The following TBC1D22B variants were observed in gnomAD, a reference collection of about 807,000 sequenced individuals.
TBC1D22B encodes the protein chromosome 6 open reading frame 197.
Under a neutral mutation model 69.1 loss-of-function variants are expected in TBC1D22B, and 32 were observed. The ratio of observed to expected loss-of-function variants is 0.46; its 90% CI spans 0.35 to 0.62. The LOEUF is 0.62. TBC1D22B is among the 20% of genes least tolerant of loss of function. TBC1D22B has a pLI of 0.00. For synonymous variants in TBC1D22B, 206 were observed against 229.8 expected (o/e 0.90, Z 0.94); for missense variants, 462 against 630.9 (o/e 0.73, Z 2.87).
chr6:37,290,469 A>C (rs1393599792), intron 7 of TBC1D22B, among the ~76,000 whole-genome samples: 1 of 152,162 alleles, frequency 6.6e-6, no homozygotes, highest in Non-Finnish European at 1.5e-5. Flanking sequence ...AGTATAGTTG[A>C]GTGGGACAGG....
intron 3 of TBC1D22B, among the ~76,000 whole-genome samples, 178 bp downstream of exon 3, chr6:37,279,789 C>T (rs1766770837): frequency 6.6e-6 from 1 of 152,174 alleles, no homozygotes; most frequent in Non-Finnish European, 1.5e-5. Flanking sequence ...TTGCCCCTCC[C>T]ACAGTGGTGG....
At chr6:37,304,617 T>G (rs1037946181) in intron 8 of TBC1D22B, among the ~76,000 whole-genome samples, 2 of 152,184 alleles carry the variant, frequency 1.3e-5, no homozygotes, top group African/African-American at 4.8e-5. Flanking sequence ...AAAGTTTACC[T>G]ATGGTGGGAG....
At chr6:37,310,615 C>T (rs1767878212) in intron 8 of TBC1D22B, among the ~76,000 whole-genome samples, 1 of 152,144 alleles carries the variant, frequency 6.6e-6, no homozygotes, top group South Asian at 2.1e-4. Context: ...CTGCAGTGAG[C>T]TGAGATCGTG....
intron 10 of TBC1D22B, 86 bp downstream of exon 10, chr6:37,313,977 C>A: frequency 8.0e-7 from 1 of 1,252,780 alleles, no homozygotes; most frequent in Non-Finnish European, 1.2e-6. Context: ...CTCTCCTCAG[C>A]TGTCTTCCTA....
At chr6:37,294,619 C>T (rs1356040584) in intron 8 of TBC1D22B, among the ~76,000 whole-genome samples, 2 of 152,132 alleles carry the variant, frequency 1.3e-5, no homozygotes, top group Admixed American at 6.6e-5. Flanking sequence ...ACCCTAGGGA[C>T]CTTAAGAATT....
intron 8 of TBC1D22B, chr6:37,295,515 C>T: frequency 3.1e-6 from 1 of 322,698 alleles, no homozygotes; most frequent in Non-Finnish European, 6.4e-6. Flanking sequence ...CTAAGATTTC[C>T]AATAATTACT....
intron 5 of TBC1D22B, 141 bp downstream of exon 5, chr6:37,283,093 C>CCA: frequency 1.5e-6 from 1 of 667,370 alleles, no homozygotes; most frequent in Non-Finnish European, 2.6e-6. Context: ...GACTATAGTC[C>CCA]TATTTCTGTG....
chr6:37,331,213 A>G lies in TBC1D22B; in HGVS notation c.*41A>G. ...GGGACCCAGACTGCCTTCATCTCTG[A>G]TGGCAGTCTGATCACTGTGGCCACT... On this transcript the variant is annotated 3_prime_UTR_variant, in exon 13 of 13. Coordinates refer to ENST00000373491, the MANE Select transcript of TBC1D22B (RefSeq NM_017772.4). 6.2e-7 allele frequency: 1 copy of G among 1,609,076 alleles called. No individual in the cohort carries two copies. Among genetic ancestry groups the G allele is most frequent in the Non-Finnish European group, 8.5e-7 (1 of 1,176,334 alleles).
At chr6:37,305,268 C>A (rs1767676827) in intron 8 of TBC1D22B, among the ~76,000 whole-genome samples, 1 of 152,118 alleles carries the variant, frequency 6.6e-6, no homozygotes, top group African/African-American at 2.4e-5. Context: ...TCTCAAGAGG[C>A]CATTCCTTTT....
At chr6:37,316,296 G>A (rs549252079) in intron 10 of TBC1D22B, among the ~76,000 whole-genome samples, 4 of 152,310 alleles carry the variant, frequency 2.6e-5, no homozygotes, top group Admixed American at 1.3e-4. Flanking sequence ...GCCATCTGGC[G>A]GGGATGCTGA....
intron 7 of TBC1D22B, among the ~76,000 whole-genome samples, chr6:37,289,413 G>T (rs1051497764): frequency 6.6e-6 from 1 of 152,144 alleles, no homozygotes; most frequent in Non-Finnish European, 1.5e-5. Context: ...ACATCCCATG[G>T]TCTCCCCTGA....
chr6:37,273,045 G>T (rs1766544495), intron 2 of TBC1D22B, among the ~76,000 whole-genome samples: 1 of 152,132 alleles, frequency 6.6e-6, no homozygotes, highest in African/African-American at 2.4e-5. Flanking sequence ...TTCTTGGAAA[G>T]ATTTTCTTTT....
At chr6:37,268,287 T>G (rs1434326554) in intron 1 of TBC1D22B, among the ~76,000 whole-genome samples, 2 of 152,060 alleles carry the variant, frequency 1.3e-5, no homozygotes, top group African/African-American at 2.4e-5. Context: ...CAGGCTGGAG[T>G]GCAGTGGTGT....
At chr6:37,323,641 A>C (rs1224793138) in intron 12 of TBC1D22B, among the ~76,000 whole-genome samples, 1 of 152,206 alleles carries the variant, frequency 6.6e-6, no homozygotes, top group African/African-American at 2.4e-5. Context: ...GATGTTCCAG[A>C]CCTCAATAAT....
intron 12 of TBC1D22B, 108 bp downstream of exon 12, chr6:37,317,314 A>G: frequency 1.8e-6 from 2 of 1,130,094 alleles, no homozygotes; most frequent in African/African-American, 1.5e-5. Flanking sequence ...CCTGGCTGGG[A>G]GTAGGAAGGG....
At chr6:37,288,096 G>A (rs1487191473) in intron 7 of TBC1D22B, among the ~76,000 whole-genome samples, 9 of 152,154 alleles carry the variant, frequency 5.9e-5, no homozygotes, top group Non-Finnish European at 1.0e-4. Context: ...GAGAGGGATG[G>A]TGGTTAAAAT....
chr6:37,282,967 C>G lies in TBC1D22B; in HGVS notation c.672+15C>G. On this transcript the variant is annotated intron_variant, in intron 5 of 12. Coordinates refer to ENST00000373491, the MANE Select transcript of TBC1D22B (RefSeq NM_017772.4). Reference sequence around the variant, plus strand: ...GACTCCTGTCGGTGAGTTCTACCCACTGTGTAGAGAAATGTGAGCCTCACA... The same window carrying G: ...GACTCCTGTCGGTGAGTTCTACCCAGTGTGTAGAGAAATGTGAGCCTCACA... The G allele has an allele frequency of 1.2e-6, 2 of 1,611,714 alleles. No homozygotes were observed. The highest frequency in any genetic ancestry group is 2.2e-5 in the South Asian group (2 of 90,982).
At chr6:37,268,846 T>C (rs1766389138) in intron 1 of TBC1D22B, among the ~76,000 whole-genome samples, 1 of 152,232 alleles carries the variant, frequency 6.6e-6, no homozygotes, top group African/African-American at 2.4e-5. Context: ...GTAAGATCCA[T>C]CCACATTGTT....
chr6:37,279,396 C>T lies in TBC1D22B; in HGVS notation c.206C>T (p.Ala69Val), dbSNP rs1250338691. ...GAGTTTGCACGGAATACCAGTGATG[C>T]TTGGGACATTGGCGATGATGAGGAA... ...FHEFARNTSD[A>V]WDIGDDEEED... The change falls in exon 3 of 13, where the codon GCT (alanine) becomes GTT (valine). Residue 69 changes from alanine (A) to valine (V), a missense_variant. Ala to Val is a moderately conservative substitution (Grantham distance 64). Coordinates refer to ENST00000373491, the MANE Select transcript of TBC1D22B (RefSeq NM_017772.4). 2 of 1,614,182 alleles carry T rather than the reference C, an allele frequency of 1.2e-6. No individual in the cohort carries two copies. The highest frequency in any genetic ancestry group is 1.7e-6 in the Non-Finnish European group (2 of 1,180,012).
Sources: gnomAD v4.1 joint callset for allele counts (sites outside exome capture counted in the v4.1 genomes callset) on GRCh38, gnomAD v4.1.1 for gene constraint, MANE v1.5 for transcripts, NCBI Gene and HGNC (gene_info 2026-07-23, HGNC 2026-07-21) for gene names.